ARHGAP15: variants seen among roughly 807,000 people sequenced by gnomAD.
The protein encoded by ARHGAP15 is rho GTPase-activating protein 15.
Under a neutral mutation model 63.7 loss-of-function variants are expected in ARHGAP15, and 51 were observed. That is an observed-to-expected ratio of 0.80 (90% CI 0.64 to 1.01). The LOEUF is 1.01. Among genes scored for constraint, ARHGAP15 ranks in the 50% least tolerant of loss-of-function variants. The pLI is 0.00. For missense variants in ARHGAP15, 560 were observed against 564.6 expected (o/e 0.99, Z 0.08); for synonymous variants, 191 against 193.8 (o/e 0.99, Z 0.12).
At chr2:143,604,490 A>G (rs1025425862) in intron 11 of ARHGAP15, among the ~76,000 whole-genome samples, 4 of 152,238 alleles carry the variant, frequency 2.6e-5, no homozygotes, top group Non-Finnish European at 4.4e-5. Context: ...ACAACCTGCC[A>G]TTACAAAATT....
intron 6 of ARHGAP15, among the ~76,000 whole-genome samples, chr2:143,393,783 G>C (rs972431758): frequency 1.3e-5 from 2 of 148,328 alleles, no homozygotes; most frequent in African/African-American, 5.0e-5. Context: ...ACATTAAGGT[G>C]TCTTTCACAG....
chr2:143,365,117 G>C (rs750106133), intron 6 of ARHGAP15, among the ~76,000 whole-genome samples: 1 of 152,144 alleles, frequency 6.6e-6, no homozygotes, highest in African/African-American at 2.4e-5. Context: ...TAGTACACCC[G>C]AATAAGGAAA....
intron 9 of ARHGAP15, among the ~76,000 whole-genome samples, chr2:143,499,423 T>C (rs1029470170): frequency 6.6e-6 from 1 of 152,206 alleles, no homozygotes; most frequent in East Asian, 1.9e-4. Context: ...TAAATGGGCA[T>C]AGGACACAGC....
chr2:143,460,995 A>G (rs1449874418), intron 8 of ARHGAP15, among the ~76,000 whole-genome samples: 1 of 152,160 alleles, frequency 6.6e-6, no homozygotes, highest in African/African-American at 2.4e-5. Context: ...TGCTTAGAGC[A>G]TCTAGAAGAC....
At chr2:143,210,888 C>T (rs934549790) in intron 3 of ARHGAP15, among the ~76,000 whole-genome samples, 1 of 151,238 alleles carries the variant, frequency 6.6e-6, no homozygotes, top group African/African-American at 2.4e-5. Context: ...TTTGGTTTAC[C>T]ACTTCTTAAA....
At chr2:143,442,255 T>C (rs144734517) in intron 8 of ARHGAP15, among the ~76,000 whole-genome samples, 1 of 152,308 alleles carries the variant, frequency 6.6e-6, no homozygotes, top group East Asian at 1.9e-4. Context: ...TTAGACCTGG[T>C]ATGTTTTCAC....
intron 11 of ARHGAP15, among the ~76,000 whole-genome samples, chr2:143,591,326 C>T (rs899648556): frequency 6.6e-6 from 1 of 152,048 alleles, no homozygotes; most frequent in Non-Finnish European, 1.5e-5. Context: ...TAGATTGTGA[C>T]AGTCAGACCA....
At chr2:143,631,648 T>C (rs1699077641) in intron 12 of ARHGAP15, among the ~76,000 whole-genome samples, 1 of 152,098 alleles carries the variant, frequency 6.6e-6, no homozygotes, top group South Asian at 2.1e-4. Context: ...TTCAAAAAAA[T>C]TGGCTATTTC....
chr2:143,225,846 T>A (rs1693192313), intron 4 of ARHGAP15, among the ~76,000 whole-genome samples: 1 of 152,190 alleles, frequency 6.6e-6, no homozygotes, highest in African/African-American at 2.4e-5. Context: ...GTATTCTAAA[T>A]AATTTATGCT....
At chr2:143,575,178 T>C (rs1261107162) in intron 11 of ARHGAP15, among the ~76,000 whole-genome samples, 1 of 152,200 alleles carries the variant, frequency 6.6e-6, no homozygotes, top group East Asian at 1.9e-4. Flanking sequence ...GTGTAAGTAC[T>C]TGTGTGTTGT....
chr2:143,679,656 T>C (rs888544902), intron 12 of ARHGAP15, among the ~76,000 whole-genome samples: 4 of 8,196 alleles, frequency 4.9e-4, no homozygotes, highest in African/African-American at 5.1e-4. Context: ...CGTGTGTGCG[T>C]GTGTGTGTGT....
intron 6 of ARHGAP15, among the ~76,000 whole-genome samples, chr2:143,386,150 T>C (rs1452329743): frequency 1.3e-5 from 2 of 152,088 alleles, no homozygotes; most frequent in African/African-American, 4.8e-5. Flanking sequence ...CCACTTGAGG[T>C]ATATTACAGC....
At chr2:143,574,112 G>A (rs2105127619) in intron 11 of ARHGAP15, among the ~76,000 whole-genome samples, 1 of 152,260 alleles carries the variant, frequency 6.6e-6, no homozygotes, top group African/African-American at 2.4e-5. Context: ...AAGGAGACAA[G>A]AGAAGGGGCA....
intron 6 of ARHGAP15, among the ~76,000 whole-genome samples, chr2:143,257,013 T>A (rs543499844): frequency 6.6e-6 from 1 of 152,276 alleles, no homozygotes; most frequent in South Asian, 2.1e-4. Context: ...TTTTGCACGT[T>A]TAATTTTCTA....
intron 9 of ARHGAP15, among the ~76,000 whole-genome samples, chr2:143,492,313 C>T (rs574012054): frequency 1.1e-4 from 16 of 152,256 alleles, no homozygotes; most frequent in Non-Finnish European, 2.1e-4. Context: ...GAAAATTGAG[C>T]GCTAAGCCTC....
intron 6 of ARHGAP15, among the ~76,000 whole-genome samples, chr2:143,361,003 A>G (rs1686028127): frequency 6.6e-6 from 1 of 151,822 alleles, no homozygotes; most frequent in African/African-American, 2.4e-5. Flanking sequence ...AAAATTTTGT[A>G]ACACCGTCCA....
intron 12 of ARHGAP15, among the ~76,000 whole-genome samples, chr2:143,667,341 A>G (rs1288761457): frequency 2.8e-5 from 4 of 144,404 alleles, no homozygotes; most frequent in Non-Finnish European, 6.0e-5. Flanking sequence ...AACACCGCAT[A>G]TTCTCACTCA....
chr2:143,377,312 C>T (rs1375066120), intron 6 of ARHGAP15, among the ~76,000 whole-genome samples: 1 of 151,830 alleles, frequency 6.6e-6, no homozygotes, highest in Non-Finnish European at 1.5e-5. Flanking sequence ...TTTTAAAAAC[C>T]TCTTTCTACA....
intron 11 of ARHGAP15, among the ~76,000 whole-genome samples, chr2:143,558,256 C>T (rs1237306257): frequency 2.0e-5 from 3 of 152,054 alleles, no homozygotes; most frequent in Non-Finnish European, 4.4e-5. Context: ...ACATGCTCTT[C>T]CCTTTACTTT....
Sources: allele counts gnomAD v4.1 joint callset (sites outside exome capture counted in the v4.1 genomes callset), GRCh38; gene constraint gnomAD v4.1.1; transcripts MANE v1.5; gene names NCBI Gene and HGNC (gene_info 2026-07-23, HGNC 2026-07-21).